Variants in DOK6 observed in about 807,000 individuals in gnomAD.
DOK6 encodes docking protein 6, also known as downstream of tyrosine kinase 6.
In DOK6, 22 loss-of-function variants were observed where a neutral mutation model predicts 44.0. The ratio of observed to expected loss-of-function variants is 0.50; its 90% confidence interval spans 0.36 to 0.71. DOK6 has a LOEUF of 0.71. Ranked by LOEUF, DOK6 falls within the 30% of genes least tolerant of loss-of-function variation. The pLI is 0.00. For missense variants in DOK6, 340 were observed against 416.4 expected, an observed-to-expected ratio of 0.82 and a Z score of 1.60; for synonymous variants, 166 against 145.5, an observed-to-expected ratio of 1.14 and a Z score of -1.01.
chr18:69,726,174 C>T (rs931139122), intron 5 of DOK6, among the ~76,000 whole-genome samples: 2 of 152,118 alleles, frequency 1.3e-5, no homozygotes, highest in African/African-American at 4.8e-5. Flanking sequence ...AACTTCGCTT[C>T]CTCTGCTAGT....
intron 4 of DOK6, among the ~76,000 whole-genome samples, chr18:69,698,093 G>T (rs7241440): frequency 6.6e-6 from 1 of 152,154 alleles, no homozygotes; most frequent in Non-Finnish European, 1.5e-5. Flanking sequence ...CACAATTTGG[G>T]CAGAGACTCC....
At chr18:69,431,386 A>G (rs1978802734) in intron 1 of DOK6, among the ~76,000 whole-genome samples, 2 of 152,182 alleles carry the variant, frequency 1.3e-5, no homozygotes, top group South Asian at 2.1e-4. Context: ...GAGTCAAAGT[A>G]ACTTAGCAAC....
rs9946051 is a variant in DOK6, at chr18:69,590,479, A to G, written c.175-8905A>G. Reference sequence around the variant, plus strand: ...GTGAAAACCTTCCTAACCTTTAAATACCATGCTTTTTATTCAGGAAAATTG... The same window carrying G: ...GTGAAAACCTTCCTAACCTTTAAATGCCATGCTTTTTATTCAGGAAAATTG... On this transcript the variant is annotated intron_variant, in intron 2 of 7. Transcript: ENST00000382713. Among the ~76,000 whole-genome samples the G allele has an allele frequency of 8.6e-3, 1,316 of 152,198 alleles. 21 individuals are homozygous for G. The highest frequency in any genetic ancestry group is 0.028 in the African/African-American group (1,179 of 41,540).
chr18:69,498,042 C>G (rs1175039786), intron 1 of DOK6, among the ~76,000 whole-genome samples: 1 of 151,920 alleles, frequency 6.6e-6, no homozygotes, highest in Non-Finnish European at 1.5e-5. Context: ...ATCTCTCTCT[C>G]TCCACGCACA....
At chr18:69,534,932 CTG>C (rs1227113187) in intron 1 of DOK6, among the ~76,000 whole-genome samples, 1 of 152,054 alleles carries the variant, frequency 6.6e-6, no homozygotes, top group African/African-American at 2.4e-5. Context: ...TGCTTTCTGG[CTG>C]TGATATTGTC....
intron 1 of DOK6, among the ~76,000 whole-genome samples, chr18:69,516,721 G>C (rs1002295774): frequency 1.3e-5 from 2 of 151,606 alleles, no homozygotes; most frequent in Non-Finnish European, 2.9e-5. Context: ...TGTCTCTCAG[G>C]CTGGAGTGCA....
intron 1 of DOK6, among the ~76,000 whole-genome samples, chr18:69,505,491 CTTTTTTTTT>C (rs772908185): frequency 1.1e-4 from 10 of 88,570 alleles, no homozygotes; most frequent in Non-Finnish European, 1.9e-4. Flanking sequence ...TACTCCCATT[CTTTTTTTTT>C]TTTTTTTTTT....
chr18:69,425,206 A>G (rs1041587723), intron 1 of DOK6, among the ~76,000 whole-genome samples: 20 of 152,124 alleles, frequency 1.3e-4, no homozygotes, highest in African/African-American at 4.3e-4. Flanking sequence ...TTGTATCATT[A>G]TGTAAATATG....
chr18:69,566,354 T>C (rs541246473), intron 2 of DOK6, among the ~76,000 whole-genome samples: 1 of 152,230 alleles, frequency 6.6e-6, no homozygotes, highest in East Asian at 1.9e-4. Context: ...GCCAGGATGG[T>C]CTCGATCTTC....
At chr18:69,472,450 A>C (rs1456633115) in intron 1 of DOK6, among the ~76,000 whole-genome samples, 1 of 152,048 alleles carries the variant, frequency 6.6e-6, no homozygotes, top group Non-Finnish European at 1.5e-5. Flanking sequence ...TAAATCCACT[A>C]CCTGGGCTCT....
At chr18:69,738,764 GATTTTT>G (rs1978698625) in intron 5 of DOK6, among the ~76,000 whole-genome samples, 195 bp from the exon 6 acceptor site, 1 of 152,192 alleles carries the variant, frequency 6.6e-6, no homozygotes, top group African/African-American at 2.4e-5. Flanking sequence ...AATATACATG[GATTTTT>G]ATTTTTATTT....
chr18:69,796,452 C>A (rs986132263), intron 7 of DOK6, among the ~76,000 whole-genome samples: 4 of 152,148 alleles, frequency 2.6e-5, no homozygotes, highest in Non-Finnish European at 4.4e-5. Flanking sequence ...ACTTTCACCT[C>A]TTTGCCAGCC....
chr18:69,585,684 G>A (rs908823823), intron 2 of DOK6, among the ~76,000 whole-genome samples: 1 of 152,142 alleles, frequency 6.6e-6, no homozygotes, highest in African/African-American at 2.4e-5. Flanking sequence ...AAACCAGTTA[G>A]GGTTGTGTGT....
chr18:69,710,048 G>A (rs1334571752), intron 5 of DOK6, among the ~76,000 whole-genome samples: 3 of 152,116 alleles, frequency 2.0e-5, no homozygotes, highest in Admixed American at 6.5e-5. Context: ...GTGTGGTGGT[G>A]TGCACCTTTA....
At chr18:69,758,699 A>G (rs1329870596) in intron 7 of DOK6, among the ~76,000 whole-genome samples, 1 of 152,220 alleles carries the variant, frequency 6.6e-6, no homozygotes, top group African/African-American at 2.4e-5. Context: ...TACTCATCCA[A>G]CAAACATTTA....
chr18:69,429,827 ACAG>A (rs1161603801), intron 1 of DOK6, among the ~76,000 whole-genome samples: 13 of 151,840 alleles, frequency 8.6e-5, no homozygotes, highest in African/African-American at 3.1e-4. Flanking sequence ...ATTTAGATGC[ACAG>A]TATAAGATTC....
intron 3 of DOK6, among the ~76,000 whole-genome samples, chr18:69,650,391 C>A (rs1010116259): frequency 6.6e-6 from 1 of 152,034 alleles, no homozygotes; most frequent in Non-Finnish European, 1.5e-5. Flanking sequence ...GATCTGCTAC[C>A]AAGAGTGAGC....
At chr18:69,816,234 G>A (rs755277855) in intron 7 of DOK6, among the ~76,000 whole-genome samples, 2 of 152,112 alleles carry the variant, frequency 1.3e-5, no homozygotes, top group African/African-American at 2.4e-5. Flanking sequence ...AAAGGCCTAC[G>A]GCATTGCCAG....
At chr18:69,473,856 T>G (rs1353064190) in intron 1 of DOK6, among the ~76,000 whole-genome samples, 1 of 152,198 alleles carries the variant, frequency 6.6e-6, no homozygotes, top group Non-Finnish European at 1.5e-5. Flanking sequence ...CAGGATATGT[T>G]CCTTCTGTGC....
Sources: gnomAD v4.1 joint callset for allele counts (sites outside exome capture counted in the v4.1 genomes callset) on GRCh38, gnomAD v4.1.1 for gene constraint, MANE v1.5 for transcripts, NCBI Gene and HGNC (gene_info 2026-07-23, HGNC 2026-07-21) for gene names.